ANKRD13C: variants seen among roughly 807,000 people sequenced by gnomAD.
ANKRD13C encodes ankyrin repeat domain-containing protein 13C.
Under a neutral mutation model 65.5 loss-of-function variants are expected in ANKRD13C, and 16 were observed. That is an observed-to-expected ratio of 0.24 (90% CI 0.17 to 0.37). ANKRD13C has a LOEUF of 0.37. Among genes scored for constraint, ANKRD13C ranks in the 10% least tolerant of loss-of-function variants. ANKRD13C has a pLI of 1.00. For synonymous variants in ANKRD13C, 235 were observed against 238.7 expected (o/e 0.98, Z 0.14); for missense variants, 503 against 655.9 (o/e 0.77, Z 2.55).
chr1:70,291,806 C>CTAAA (rs771383691), intron 9 of ANKRD13C, among the ~76,000 whole-genome samples: 18 of 151,496 alleles, frequency 1.2e-4, no homozygotes, highest in South Asian at 4.2e-4. Context: ...GACTCCAACT[C>CTAAA]TAAATAAATA....
intron 1 of ANKRD13C, among the ~76,000 whole-genome samples, chr1:70,339,376 G>A (rs926095970): frequency 2.1e-5 from 3 of 145,638 alleles, no homozygotes; most frequent in Admixed American, 1.4e-4. Context: ...GGAGTGCAGT[G>A]GCACGATCTC....
chr1:70,295,033 T>C (rs1356059601), intron 8 of ANKRD13C, among the ~76,000 whole-genome samples: 2 of 152,038 alleles, frequency 1.3e-5, no homozygotes, highest in Non-Finnish European at 2.9e-5. Context: ...TCCCCTTCTA[T>C]CTACTGGTTT....
chr1:70,264,268 G>A (rs2101090869), intron 12 of ANKRD13C, among the ~76,000 whole-genome samples: 1 of 152,170 alleles, frequency 6.6e-6, no homozygotes, highest in Non-Finnish European at 1.5e-5. Flanking sequence ...TTGAGGTCAG[G>A]AGTTTGAGAC....
intron 1 of ANKRD13C, among the ~76,000 whole-genome samples, chr1:70,350,019 T>C (rs1318233150): frequency 1.3e-5 from 2 of 152,150 alleles, no homozygotes; most frequent in African/African-American, 4.8e-5. Flanking sequence ...GGTGCATGCC[T>C]GTAGTCCTAG....
At chr1:70,313,410 G>A (rs1433920460) in intron 5 of ANKRD13C, among the ~76,000 whole-genome samples, 5 of 151,672 alleles carry the variant, frequency 3.3e-5, no homozygotes, top group Non-Finnish European at 7.4e-5. Flanking sequence ...TGTGCCTGTG[G>A]TCCTAGCTAC....
At chr1:70,275,512 T>A (rs1459247343) in intron 10 of ANKRD13C, among the ~76,000 whole-genome samples, 2 of 152,162 alleles carry the variant, frequency 1.3e-5, no homozygotes, top group African/African-American at 4.8e-5. Flanking sequence ...TCCTTTTTTT[T>A]TTTTCATTTT....
intron 9 of ANKRD13C, among the ~76,000 whole-genome samples, chr1:70,281,699 C>A (rs988644077): frequency 8.6e-5 from 13 of 151,800 alleles, no homozygotes; most frequent in African/African-American, 3.1e-4. Flanking sequence ...GTCACCATGC[C>A]CGGGTTAAAT....
intron 7 of ANKRD13C, among the ~76,000 whole-genome samples, chr1:70,297,389 G>T (rs1400229511): frequency 6.8e-6 from 1 of 147,938 alleles, no homozygotes; most frequent in Non-Finnish European, 1.5e-5. Context: ...CTCCTCCCGG[G>T]TTCACACCAT....
At chr1:70,294,046 A>G (rs1679972110) in intron 8 of ANKRD13C, among the ~76,000 whole-genome samples, 1 of 152,208 alleles carries the variant, frequency 6.6e-6, no homozygotes, top group Non-Finnish European at 1.5e-5. Flanking sequence ...CATCATATAG[A>G]ATACTATGCA....
chr1:70,264,335 G>A (rs544065665), intron 12 of ANKRD13C, among the ~76,000 whole-genome samples: 1 of 152,048 alleles, frequency 6.6e-6, no homozygotes, highest in East Asian at 1.9e-4. Flanking sequence ...AATTAGCTGG[G>A]TGTGGTGGCG....
chr1:70,324,792 T>A, intron 3 of ANKRD13C, 61 bp downstream of exon 3: 1 of 1,214,156 alleles, frequency 8.2e-7, no homozygotes, highest in Non-Finnish European at 1.2e-6. Flanking sequence ...GAAGAATATT[T>A]CAAATGCATC....
At chr1:70,301,200 T>C (rs200017732) in intron 6 of ANKRD13C, among the ~76,000 whole-genome samples, 4 of 151,290 alleles carry the variant, frequency 2.6e-5, no homozygotes, top group East Asian at 3.9e-4. Context: ...TATATACACA[T>C]ACACACACAC....
intron 5 of ANKRD13C, among the ~76,000 whole-genome samples, chr1:70,310,575 T>G (rs758309195): frequency 1.3e-5 from 2 of 152,270 alleles, no homozygotes; most frequent in Non-Finnish European, 2.9e-5. Context: ...ACATTTATAA[T>G]GTATTGTTTA....
chr1:70,296,870 A>G (rs1414668750), intron 7 of ANKRD13C, among the ~76,000 whole-genome samples: 1 of 152,210 alleles, frequency 6.6e-6, no homozygotes, highest in Admixed American at 6.5e-5. Context: ...CATAAATATC[A>G]ACCGTAATTT....
chr1:70,316,861 T>C (rs527422133), intron 3 of ANKRD13C, among the ~76,000 whole-genome samples: 23 of 152,250 alleles, frequency 1.5e-4, no homozygotes, highest in African/African-American at 5.3e-4. Flanking sequence ...TATATACATA[T>C]ATACACGCTA....
intron 6 of ANKRD13C, chr1:70,306,020 G>C (rs923676439): frequency 3.5e-6 from 1 of 285,924 alleles, no homozygotes; most frequent in Non-Finnish European, 6.7e-6. Context: ...TCCACTTTGA[G>C]TTTGTTCTCT....
chr1:70,267,567 A>T (rs1678683928), intron 12 of ANKRD13C, among the ~76,000 whole-genome samples: 1 of 152,042 alleles, frequency 6.6e-6, no homozygotes, highest in Non-Finnish European at 1.5e-5. Flanking sequence ...CCACTTTACC[A>T]ATCACTATCT....
Position 70,262,666 on chromosome 1 carries a change from G to T in ANKRD13C, c.*51C>A, listed in dbSNP as rs769013620. ...TCCCTTCTATTTGGATCCACTTCTA[G>T]GGTCTCTGTATTTTCTTTCCTTGGT... On this transcript the variant is annotated 3_prime_UTR_variant, in exon 13 of 13. Transcript: ENST00000370944. 3.1e-5 allele frequency: 49 copies of T among 1,577,742 alleles called. No homozygotes were observed. The highest frequency in any genetic ancestry group is 4.2e-5 in the Non-Finnish European group (49 of 1,160,178).
At chr1:70,269,729 CAA>C (rs57521346) in intron 12 of ANKRD13C, among the ~76,000 whole-genome samples, 21 of 82,332 alleles carry the variant, frequency 2.6e-4, no homozygotes, top group Admixed American at 2.7e-4. Context: ...AGTCATTTTT[CAA>C]AAAAAAAAAA....
Sources: gnomAD v4.1 joint callset for allele counts (sites outside exome capture counted in the v4.1 genomes callset) on GRCh38, gnomAD v4.1.1 for gene constraint, MANE v1.5 for transcripts, NCBI Gene and HGNC (gene_info 2026-07-23, HGNC 2026-07-21) for gene names.